ARHGEF37: variants seen among roughly 807,000 people sequenced by gnomAD.
The protein encoded by ARHGEF37 is Rho guanine nucleotide exchange factor 37.
ARHGEF37 carries 55 observed loss-of-function variants against 71.1 expected under a neutral mutation model. That is an observed-to-expected ratio of 0.77 (90% CI 0.62 to 0.97). The LOEUF (loss-of-function observed/expected upper bound fraction) is 0.97, where lower values mean the gene tolerates loss of function less well. ARHGEF37 is among the 50% of genes least tolerant of loss of function. The pLI is 0.00. For missense variants in ARHGEF37, 765 were observed against 836.8 expected, an observed-to-expected ratio of 0.91 and a Z score of 1.06; for synonymous variants, 327 against 350.6, an observed-to-expected ratio of 0.93 and a Z score of 0.75.
intron 10 of ARHGEF37, among the ~76,000 whole-genome samples, chr5:149,624,590 A>G (rs1478130113): frequency 6.6e-6 from 1 of 152,196 alleles, no homozygotes; most frequent in South Asian, 2.1e-4. Flanking sequence ...CCTGGCCAAC[A>G]TGGCAAAACC....
chr5:149,553,150 G>A (rs1048691894), intron 1 of ARHGEF37, among the ~76,000 whole-genome samples: 2 of 152,170 alleles, frequency 1.3e-5, no homozygotes, highest in African/African-American at 2.4e-5. Flanking sequence ...TGTAATCCCA[G>A]CACTTTGGGA....
chr5:149,612,881 G>T (rs977890780), intron 4 of ARHGEF37, among the ~76,000 whole-genome samples: 1 of 152,190 alleles, frequency 6.6e-6, no homozygotes, highest in Non-Finnish European at 1.5e-5. Context: ...CAAAATGCAC[G>T]CTGACCCCAC....
chr5:149,572,590 T>A (rs1762980790), intron 1 of ARHGEF37, among the ~76,000 whole-genome samples: 1 of 152,228 alleles, frequency 6.6e-6, no homozygotes, highest in South Asian at 2.1e-4. Context: ...TGGCTGGGCC[T>A]CAGTGTCCTG....
intron 3 of ARHGEF37, chr5:149,606,691 T>G (rs1763922184): frequency 6.6e-6 from 1 of 152,260 alleles, no homozygotes; most frequent in Admixed American, 6.5e-5. Context: ...GGCGCCATGC[T>G]AATCTCTATA....
intron 1 of ARHGEF37, among the ~76,000 whole-genome samples, chr5:149,570,151 T>C (rs1361360032): frequency 6.6e-6 from 1 of 152,230 alleles, no homozygotes; most frequent in Non-Finnish European, 1.5e-5. Flanking sequence ...TAGGAAATCA[T>C]GAATTTTTAA....
intron 1 of ARHGEF37, among the ~76,000 whole-genome samples, chr5:149,558,717 GTGTGTGTGTGTGTGTGTGTGTA>G (rs1395041107): frequency 7.4e-5 from 10 of 135,206 alleles, no homozygotes; most frequent in African/African-American, 2.6e-4. Flanking sequence ...GTGTGTGTGT[GTGTGTGTGTGTGTGTGTGTGTA>G]TATATATTTT....
intron 3 of ARHGEF37, 141 bp downstream of exon 3, chr5:149,601,372 C>A: frequency 2.0e-6 from 2 of 1,009,234 alleles, no homozygotes; most frequent in Non-Finnish European, 2.8e-6. Flanking sequence ...CAAAACACAA[C>A]ATATCAGAGC....
chr5:149,631,162 TCC>T, intron 12 of ARHGEF37, among the ~76,000 whole-genome samples: 1 of 148,136 alleles, frequency 6.8e-6, no homozygotes. Flanking sequence ...CTTCCTTCCT[TCC>T]TTCCTTTCTT....
intron 1 of ARHGEF37, among the ~76,000 whole-genome samples, chr5:149,595,882 T>A (rs1374902876): frequency 6.6e-6 from 1 of 152,170 alleles, no homozygotes; most frequent in Non-Finnish European, 1.5e-5. Flanking sequence ...GGAGACCTTT[T>A]TTCCTCACCC....
At chr5:149,581,750 G>T (rs7718394) in intron 1 of ARHGEF37, 126 bp downstream of exon 1, 41,223 of 152,166 alleles carry the variant, frequency 0.27, 6,250 homozygotes, top group African/African-American at 0.41. Flanking sequence ...CGACCTCCCG[G>T]GTCCCAACTT....
At chr5:149,581,758 C>T (rs1763112698) in intron 1 of ARHGEF37, 134 bp downstream of exon 1, 1 of 152,280 alleles carries the variant, frequency 6.6e-6, no homozygotes, top group Non-Finnish European at 1.5e-5. Flanking sequence ...CGGGTCCCAA[C>T]TTGCTTGGTA....
chr5:149,608,927 G>A (rs987843613), intron 3 of ARHGEF37, among the ~76,000 whole-genome samples: 3 of 152,102 alleles, frequency 2.0e-5, no homozygotes, highest in Non-Finnish European at 2.9e-5. Context: ...GCTCACAGCT[G>A]TAATCCCAGC....
chr5:149,581,271 G>C (rs1306441942), upstream of ARHGEF37, among the ~76,000 whole-genome samples: 1 of 152,234 alleles, frequency 6.6e-6, no homozygotes, highest in Non-Finnish European at 1.5e-5. Context: ...GAGAGGCCGC[G>C]GGAGGGTGGG....
chr5:149,587,091 G>C lies in ARHGEF37; in HGVS notation c.-12+5467G>C, dbSNP rs185877064. The stretch of plus-strand genomic sequence containing the variant: ...CTCAGAGTGGCTTAGGGAAAAGGGG[G>C]ATGAGGAATAAAAATGTATTCACTC... On this transcript the variant is annotated intron_variant, in intron 1 of 12. Coordinates refer to ENST00000333677, the MANE Select transcript of ARHGEF37 (RefSeq NM_001001669.3). 2.6e-5 allele frequency among the ~76,000 whole-genome samples: 4 copies of C among 152,248 alleles called. No homozygotes were observed. In the East Asian group the frequency reaches 7.7e-4, roughly 29 times the overall value.
At chr5:149,626,619 A>G (rs1752692788) in intron 10 of ARHGEF37, among the ~76,000 whole-genome samples, 1 of 152,208 alleles carries the variant, frequency 6.6e-6, no homozygotes, top group Admixed American at 6.5e-5. Context: ...CAAAGGTTAC[A>G]TGCCCTCGTT....
intron 1 of ARHGEF37, among the ~76,000 whole-genome samples, chr5:149,590,160 C>A (rs2113284563): frequency 6.6e-6 from 1 of 151,666 alleles, no homozygotes; most frequent in East Asian, 1.9e-4. Context: ...TGGGAATGCC[C>A]AAATCCCTCT....
rs1346272789 is a variant in ARHGEF37, at chr5:149,632,524, G to A, written c.*333G>A. Reference sequence around the variant, plus strand: ...GCCAGTCTTAGCTGTGCCTGCATCCGGGCCTGCCTGTGGGCGTGGGTCACA... The same window carrying A: ...GCCAGTCTTAGCTGTGCCTGCATCCAGGCCTGCCTGTGGGCGTGGGTCACA... On this transcript the variant is annotated 3_prime_UTR_variant, in exon 13 of 13. Coordinates refer to ENST00000333677, the MANE Select transcript of ARHGEF37 (RefSeq NM_001001669.3). 1 of 297,766 alleles carries A rather than the reference G, an allele frequency of 3.4e-6. No homozygotes were observed. The highest frequency in any genetic ancestry group is 5.5e-5 in the South Asian group (1 of 18,242). The allele number at this position is 297,766 out of a possible 1,614,324, so 18.4% of individuals were successfully genotyped here.
intron 7 of ARHGEF37, among the ~76,000 whole-genome samples, chr5:149,619,293 C>T (rs921003381): frequency 3.3e-5 from 5 of 152,122 alleles, no homozygotes; most frequent in East Asian, 1.9e-4. Context: ...AGCAGAGCCC[C>T]GCAGAGCAAC....
chr5:149,566,499 C>T (rs371349512), intron 1 of ARHGEF37, among the ~76,000 whole-genome samples: 1 of 140,434 alleles, frequency 7.1e-6, no homozygotes, highest in Non-Finnish European at 1.6e-5. Flanking sequence ...CTGTCTCAAC[C>T]CCCCCATCCT....
Sources: allele counts gnomAD v4.1 joint callset (sites outside exome capture counted in the v4.1 genomes callset), GRCh38; gene constraint gnomAD v4.1.1; transcripts MANE v1.5; gene names NCBI Gene and HGNC (gene_info 2026-07-23, HGNC 2026-07-21).